Variants in BACH2 observed in about 807,000 individuals in gnomAD.
BACH2 encodes the protein BACH transcriptional regulator 2, also known as transcription regulator protein BACH2.
A neutral mutation model predicts 61.8 loss-of-function variants in BACH2; 5 were observed. The ratio of observed to expected loss-of-function variants is 0.08; its 90% confidence interval spans 0.04 to 0.17. BACH2 has a LOEUF of 0.17. BACH2 is among the 10% of genes least tolerant of loss of function. The pLI is 1.00. For missense variants in BACH2, 824 were observed against 1,091.1 expected (o/e 0.76, Z 3.45); for synonymous variants, 446 against 440.1 (o/e 1.01, Z -0.17).
chr6:89,968,675 A>C (rs1775178542), intron 6 of BACH2, among the ~76,000 whole-genome samples: 1 of 152,238 alleles, frequency 6.6e-6, no homozygotes, highest in Admixed American at 6.5e-5. Flanking sequence ...ACTGTGCTGG[A>C]TGCTGAAGTG....
chr6:90,186,248 A>G (rs1328576837), intron 4 of BACH2, among the ~76,000 whole-genome samples: 3 of 152,154 alleles, frequency 2.0e-5, no homozygotes, highest in African/African-American at 7.2e-5. Context: ...GACACACACA[A>G]AAAATGTTCC....
intron 5 of BACH2, among the ~76,000 whole-genome samples, chr6:90,030,623 T>C (rs1473747177): frequency 2.0e-5 from 3 of 152,114 alleles, no homozygotes; most frequent in South Asian, 2.1e-4. Context: ...ATAAATTCCT[T>C]GACACATACA....
intron 4 of BACH2, among the ~76,000 whole-genome samples, chr6:90,198,136 C>T (rs533487257): frequency 7.9e-4 from 121 of 152,246 alleles, no homozygotes; most frequent in African/African-American, 2.8e-3. Flanking sequence ...ATGCTTGACT[C>T]GGAGCCACTA....
At chr6:90,120,152 A>G (rs1266617243) in intron 4 of BACH2, among the ~76,000 whole-genome samples, 5 of 152,236 alleles carry the variant, frequency 3.3e-5, no homozygotes, top group African/African-American at 4.8e-5. Flanking sequence ...CACAAAGCTT[A>G]TTCATTAAGG....
intron 4 of BACH2, among the ~76,000 whole-genome samples, chr6:90,140,864 A>G (rs1385235719): frequency 1.3e-5 from 2 of 152,232 alleles, no homozygotes; most frequent in African/African-American, 4.8e-5. Flanking sequence ...ATACTTTAAA[A>G]TTCTGCAAGT....
intron 7 of BACH2, among the ~76,000 whole-genome samples, chr6:89,944,986 C>T (rs1013974436): frequency 6.6e-6 from 1 of 152,030 alleles, no homozygotes; most frequent in East Asian, 1.9e-4. Flanking sequence ...CTACTCACAC[C>T]CACTAGAGGG....
In BACH2 at chr6:89,931,515, C is replaced by A. The variant is rs1772639831; in HGVS notation, c.*893G>T. 1 of 152,586 alleles carries A rather than the reference C, an allele frequency of 6.6e-6. No individual in the cohort carries two copies. The highest frequency in any genetic ancestry group is 2.1e-4 in the South Asian group (1 of 4,816). 9.5% of individuals were successfully genotyped at this position (152,586 alleles called of 1,614,324 possible). A position where few individuals can be genotyped will look rare whatever the true frequency, so the allele number is the denominator to read the frequency against. The stretch of plus-strand genomic sequence containing the variant: ...TTGAGTTATACCGAAGTTACAACTT[C>A]ATTTAAGAAAATAGGTTTGACCCAA... On this transcript the variant is annotated 3_prime_UTR_variant, in exon 9 of 9. Transcript: ENST00000257749.
intron 4 of BACH2, among the ~76,000 whole-genome samples, chr6:90,158,879 C>T (rs909435545): frequency 6.6e-6 from 1 of 152,140 alleles, no homozygotes; most frequent in African/African-American, 2.4e-5. Flanking sequence ...AACAACACTG[C>T]CACTCCCTCA....
In BACH2 at chr6:90,100,050, C is replaced by T. The variant is rs565356064; in HGVS notation, c.-161-10941G>A. On this transcript the variant is annotated intron_variant, in intron 4 of 8. Coordinates refer to ENST00000257749, the MANE Select transcript of BACH2 (RefSeq NM_021813.4). ...CTATTATGAGGCCTTTTGTGTCTAG[C>T]TTCTTTCACTTTACCATATTTTCAG... Among the ~76,000 whole-genome samples the T allele has an allele frequency of 3.9e-5, 6 of 152,238 alleles. 1 individual carries two copies. The South Asian group carries it at 1.2e-3, about 32-fold the overall frequency.
Position 89,951,489 on chromosome 6 carries a change from A to G in BACH2, c.617T>C (p.Leu206Pro). 6.2e-7 allele frequency: 1 copy of G among 1,614,232 alleles called. No individual in the cohort carries two copies. Among genetic ancestry groups the G allele is most frequent in the Non-Finnish European group, 8.5e-7 (1 of 1,180,036 alleles). The change falls in exon 7 of 9, where the codon CTG becomes CCG. Residue 206 changes from leucine (L) to proline (P), a missense_variant. Physicochemically the swap from Leu to Pro is moderately conservative, Grantham distance 98 (BLOSUM62 -3). Transcript: ENST00000257749. The surrounding 1 kb of genome is among the most constrained non-coding windows in gnomAD (Gnocchi z 6.4). ...TGTGGGCACGTCAGGCTCGGGCAGC[A>G]GGGCTTCTTCCTTCTCTGCTACGGG... ...AIPVAEKEEA[L>P]LPEPDVPTDT...
chr6:90,014,108 T>C (rs1777883808), intron 5 of BACH2, among the ~76,000 whole-genome samples: 1 of 152,104 alleles, frequency 6.6e-6, no homozygotes, highest in Admixed American at 6.6e-5. Flanking sequence ...TTATACATTG[T>C]TGGATTCAAT....
chr6:90,060,917 G>A (rs531007689), intron 5 of BACH2, among the ~76,000 whole-genome samples: 1 of 152,044 alleles, frequency 6.6e-6, no homozygotes, highest in South Asian at 2.1e-4. Flanking sequence ...TGCCTTTTCT[G>A]GCTTGTTTAC....
At chr6:90,225,217 C>T (rs772479558) in intron 3 of BACH2, among the ~76,000 whole-genome samples, 1 of 151,924 alleles carries the variant, frequency 6.6e-6, no homozygotes, top group Non-Finnish European at 1.5e-5. Flanking sequence ...AAACTCTCTA[C>T]TAAAATACAA....
At chr6:90,037,285 T>A (rs192831998) in intron 5 of BACH2, among the ~76,000 whole-genome samples, 143 of 152,326 alleles carry the variant, frequency 9.4e-4, no homozygotes, top group African/African-American at 3.2e-3. Flanking sequence ...ATGAGGAGGC[T>A]TTTTAAAAAA....
At chr6:90,100,131 A>G (rs1266421817) in intron 4 of BACH2, among the ~76,000 whole-genome samples, 1 of 152,228 alleles carries the variant, frequency 6.6e-6, no homozygotes, top group Non-Finnish European at 1.5e-5. Context: ...TGGCTGCATA[A>G]TAATCAATTA....
chr6:90,076,849 T>G (rs1318050591), intron 5 of BACH2, among the ~76,000 whole-genome samples: 1 of 152,136 alleles, frequency 6.6e-6, no homozygotes, highest in Non-Finnish European at 1.5e-5. Context: ...ATTACAAACC[T>G]GGGTTAAAAT....
At chr6:90,084,543 T>G (rs555667203) in intron 5 of BACH2, among the ~76,000 whole-genome samples, 8 of 151,900 alleles carry the variant, frequency 5.3e-5, no homozygotes, top group African/African-American at 1.2e-4. Flanking sequence ...TTCCAGTTTT[T>G]TTTTTTTTTT....
intron 4 of BACH2, among the ~76,000 whole-genome samples, chr6:90,153,039 G>A (rs1213452836): frequency 6.6e-6 from 1 of 152,132 alleles, no homozygotes; most frequent in Non-Finnish European, 1.5e-5. Flanking sequence ...AATGAAGGGA[G>A]CTATGAAACA....
At chr6:89,942,304 C>T (rs781306182) in intron 7 of BACH2, among the ~76,000 whole-genome samples, 2 of 152,118 alleles carry the variant, frequency 1.3e-5, no homozygotes, top group African/African-American at 2.4e-5. Context: ...TGTTTGGTCC[C>T]GTGGAGGACA....
Sources: allele counts gnomAD v4.1 joint callset (sites outside exome capture counted in the v4.1 genomes callset), GRCh38; gene constraint gnomAD v4.1.1; non-coding constraint Gnocchi (gnomAD v3.1); transcripts MANE v1.5; gene names NCBI Gene and HGNC (gene_info 2026-07-23, HGNC 2026-07-21).